Variants in STAM2 observed in about 807,000 individuals in gnomAD.
STAM2 encodes signal transducing adapter molecule 2.
A neutral mutation model predicts 65.6 loss-of-function variants in STAM2; 51 were observed. That is an observed-to-expected ratio of 0.78 (90% CI 0.62 to 0.98). The LOEUF (loss-of-function observed/expected upper bound fraction) is 0.98, where lower values mean the gene tolerates loss of function less well. Among genes scored for constraint, STAM2 ranks in the 50% least tolerant of loss-of-function variants. The pLI is 0.00. For synonymous variants in STAM2, 198 were observed against 208.4 expected (o/e 0.95, Z 0.43); for missense variants, 584 against 617.8 (o/e 0.95, Z 0.58).
chr2:152,165,469 A>G (rs12476550), intron 1 of STAM2, among the ~76,000 whole-genome samples: 32,207 of 152,002 alleles, frequency 0.21, 3,636 homozygotes, highest in Admixed American at 0.3. Context: ...TAACATGCCA[A>G]AAAGTTACAG....
In STAM2 at chr2:152,150,202, G is replaced by C. The variant is rs1212721390; in HGVS notation, c.68C>G (p.Thr23Arg). The C allele has an allele frequency of 6.2e-7, 1 of 1,613,376 alleles. No homozygotes were observed. The highest frequency in any genetic ancestry group is 1.7e-5 in the Admixed American group (1 of 60,004). ...GTCCATAATAAGACTCCAATCTTCT[G>C]TAGTGTTGTACTCATTCGTGGCTTT... is the stretch of plus-strand genomic sequence containing the variant. ...VEKATNEYNT[T>R]EDWSLIMDIC... The change falls in exon 2 of 14, where the codon ACA becomes AGA. Residue 23 changes from threonine (T) to arginine (R), a missense_variant. Thr to Arg is a moderately conservative substitution (Grantham distance 71). Transcript: ENST00000263904.
intron 1 of STAM2, among the ~76,000 whole-genome samples, chr2:152,153,903 C>G (rs1244972647): frequency 6.6e-6 from 1 of 151,576 alleles, no homozygotes; most frequent in Non-Finnish European, 1.5e-5. Flanking sequence ...CACACACACA[C>G]ACACACACAC....
In STAM2 at chr2:152,159,538, C is replaced by T. The variant is rs557296385; in HGVS notation, c.41-9309G>A. 2.8e-4 allele frequency among the ~76,000 whole-genome samples: 43 copies of T among 152,218 alleles called. No homozygotes were observed. In the South Asian group the frequency reaches 8.3e-3, roughly 29 times the overall value. ...TATGAATAAATTGTATATATTTAGA[C>T]TATTAAAATCATTATATAGAGCCTA... is the stretch of plus-strand genomic sequence containing the variant. On this transcript the variant is annotated intron_variant, in intron 1 of 13. Coordinates refer to ENST00000263904, the MANE Select transcript of STAM2 (RefSeq NM_005843.6).
At chr2:152,128,981 TGAA>T (rs1689012247) in intron 11 of STAM2, among the ~76,000 whole-genome samples, 1 of 152,342 alleles carries the variant, frequency 6.6e-6, no homozygotes, top group African/African-American at 2.4e-5. Flanking sequence ...AAGAATTTGT[TGAA>T]GAACAGGAAA....
chr2:152,132,070 A>AC lies in STAM2; in HGVS notation c.1025+43dup, dbSNP rs763895138. ...TTACTGTTTGCCAAAACACAAGTGA[A>AC]CCCCCCAAAACTATACTTTTTATTC... On this transcript the variant is annotated intron_variant, in intron 11 of 13. Coordinates refer to ENST00000263904, the MANE Select transcript of STAM2 (RefSeq NM_005843.6). The AC allele has an allele frequency of 5.7e-6, 8 of 1,413,798 alleles. No homozygotes were observed. In the African/African-American group the frequency reaches 1.2e-4, roughly 22 times the overall value. The allele number at this position is 1,413,798 out of a possible 1,614,324, so 87.6% of individuals were successfully genotyped here. A position where few individuals can be genotyped will look rare whatever the true frequency, so the allele number is the denominator to read the frequency against.
Position 152,123,824 on chromosome 2 carries a change from G to T in STAM2, c.1291C>A (p.Leu431Met), listed in dbSNP as rs1222725316. 1 of 1,614,046 alleles carries T rather than the reference G, an allele frequency of 6.2e-7. No homozygotes were observed. The highest frequency in any genetic ancestry group is 1.3e-5 in the African/African-American group (1 of 74,932). Reference sequence around the variant, plus strand: ...ACTGAGGAATTCACATTTGGAGGCAGAGATCTCAGTGGACCAATTTGATCG... The same window carrying T: ...ACTGAGGAATTCACATTTGGAGGCATAGATCTCAGTGGACCAATTTGATCG... ...GPDQIGPLRS[L>M]PPNVNSSVTA... is the part of the protein sequence containing the mutation. Residue 431 changes from leucine (L) to methionine (M), a missense_variant, in exon 13 of 14, where the codon CTG (leucine) becomes ATG (methionine). Physicochemically the swap from Leu to Met is conservative, Grantham distance 15 (BLOSUM62 2). Coordinates refer to ENST00000263904, the MANE Select transcript of STAM2 (RefSeq NM_005843.6).
At chr2:152,164,994 C>A (rs1485432911) in intron 1 of STAM2, among the ~76,000 whole-genome samples, 6 of 152,152 alleles carry the variant, frequency 3.9e-5, no homozygotes. Context: ...GTCCCCCTAA[C>A]TCCACAAAAC....
chr2:152,117,275 C>A lies in STAM2; in HGVS notation c.*3299G>T, dbSNP rs892217742. On this transcript the variant is annotated 3_prime_UTR_variant, in exon 14 of 14. Coordinates refer to ENST00000263904, the MANE Select transcript of STAM2 (RefSeq NM_005843.6). ...ACTGCAGCCTCAAGCAATACTCCCA[C>A]CTCAGCCTACTGACTAGCTGGGACT... 2 of 152,118 alleles carry A rather than the reference C, an allele frequency of 1.3e-5. No individual in the cohort carries two copies. Among genetic ancestry groups the A allele is most frequent in the Non-Finnish European group, 2.9e-5 (2 of 68,034 alleles). The allele number at this position is 152,118 out of a possible 1,614,324, so 9.4% of individuals were successfully genotyped here.
intron 1 of STAM2, among the ~76,000 whole-genome samples, chr2:152,151,148 G>T (rs1689437513): frequency 6.7e-6 from 1 of 149,260 alleles, no homozygotes; most frequent in African/African-American, 2.5e-5. Context: ...AAAGCTAACA[G>T]CAGAAGAATT....
intron 1 of STAM2, among the ~76,000 whole-genome samples, chr2:152,167,371 G>C (rs1017016590): frequency 8.5e-5 from 13 of 152,280 alleles, no homozygotes; most frequent in African/African-American, 3.1e-4. Flanking sequence ...GCTAAAGGAA[G>C]TCTAAAAGCT....
chr2:152,170,974 C>G (rs772346874), intron 1 of STAM2, among the ~76,000 whole-genome samples: 1 of 151,578 alleles, frequency 6.6e-6, no homozygotes, highest in African/African-American at 2.4e-5. Context: ...CCAGCCTGGG[C>G]GACAGAGCAA....
intron 1 of STAM2, among the ~76,000 whole-genome samples, chr2:152,151,672 C>G (rs1436133212): frequency 1.3e-5 from 2 of 152,120 alleles, no homozygotes; most frequent in Admixed American, 1.3e-4. Flanking sequence ...GTTCATTCTC[C>G]CCACATATTC....
At chr2:152,155,233 T>C (rs1437413221) in intron 1 of STAM2, among the ~76,000 whole-genome samples, 1 of 152,166 alleles carries the variant, frequency 6.6e-6, no homozygotes, top group African/African-American at 2.4e-5. Context: ...ATGATGTTGG[T>C]TGCTCCTCCA....
chr2:152,155,980 T>C (rs2105556449), intron 1 of STAM2, among the ~76,000 whole-genome samples: 1 of 152,330 alleles, frequency 6.6e-6, no homozygotes, highest in East Asian at 1.9e-4. Context: ...TTTATGAGTA[T>C]GGATATGTAT....
chr2:152,142,041 G>C (rs184918674), intron 7 of STAM2, among the ~76,000 whole-genome samples: 3 of 152,272 alleles, frequency 2.0e-5, no homozygotes, highest in Admixed American at 2.0e-4. Context: ...TTTAACCGAA[G>C]ACTGTCATTT....
At chr2:152,123,411 A>C (rs755935954) in intron 13 of STAM2, among the ~76,000 whole-genome samples, 58 of 152,256 alleles carry the variant, frequency 3.8e-4, no homozygotes, top group Non-Finnish European at 6.5e-4. Context: ...CAAATTCCAC[A>C]GTTCAAACGC....
chr2:152,172,576 G>A (rs945488388), intron 1 of STAM2, among the ~76,000 whole-genome samples: 2 of 152,014 alleles, frequency 1.3e-5, no homozygotes, highest in Non-Finnish European at 1.5e-5. Flanking sequence ...TATCAGAGAA[G>A]GGGGGGAGGA....
intron 7 of STAM2, among the ~76,000 whole-genome samples, chr2:152,143,405 G>A (rs1168854638): frequency 1.3e-5 from 2 of 152,132 alleles, no homozygotes; most frequent in Non-Finnish European, 2.9e-5. Flanking sequence ...AAATTCTGAG[G>A]AGAATACAGT....
chr2:152,141,847 C>G (rs1222365208), intron 7 of STAM2, among the ~76,000 whole-genome samples: 1 of 152,056 alleles, frequency 6.6e-6, no homozygotes, highest in African/African-American at 2.4e-5. Context: ...CCTCAGCCTC[C>G]CAAAGTGCTG....
Sources: allele counts gnomAD v4.1 joint callset (sites outside exome capture counted in the v4.1 genomes callset), GRCh38; gene constraint gnomAD v4.1.1; transcripts MANE v1.5; gene names NCBI Gene and HGNC (gene_info 2026-07-23, HGNC 2026-07-21).